Variants in KERA observed in about 807,000 individuals in gnomAD.
KERA encodes keratan sulfate proteoglycan keratocan.
In KERA, 25 loss-of-function variants were observed where a neutral mutation model predicts 26.4. The ratio of observed to expected loss-of-function variants is 0.95; its 90% CI spans 0.69 to 1.32. The LOEUF is 1.32. Among genes scored for constraint, KERA ranks in the 40% most tolerant of loss-of-function variants. KERA has a pLI of 0.00. For missense variants in KERA, 434 were observed against 408.9 expected (o/e 1.06, Z -0.53); for synonymous variants, 167 against 146.1 (o/e 1.14, Z -1.03).
intron 2 of KERA, among the ~76,000 whole-genome samples, 153 bp from the exon 3 acceptor site, chr12:91,051,671 T>C (rs558888721): frequency 6.6e-6 from 1 of 151,724 alleles, no homozygotes; most frequent in South Asian, 2.1e-4. Context: ...CAGTGAGAAA[T>C]TGTGCCTATC....
chr12:91,054,212 C>T (rs914327667), intron 2 of KERA, among the ~76,000 whole-genome samples: 2 of 151,380 alleles, frequency 1.3e-5, no homozygotes, highest in African/African-American at 4.8e-5. Context: ...TCTTAAATAA[C>T]TGAGCAGTTC....
chr12:91,054,895 A>G, intron 2 of KERA, among the ~76,000 whole-genome samples: 1 of 151,110 alleles, frequency 6.6e-6, no homozygotes, highest in East Asian at 1.9e-4. Flanking sequence ...GCCTTTACAC[A>G]CTTGTTTGAG....
Position 91,056,035 on chromosome 12 carries a change from T to A in KERA, c.247A>T (p.Ile83Leu), listed in dbSNP as rs1416905205. 1 of 1,609,482 alleles carries A rather than the reference T, an allele frequency of 6.2e-7. No homozygotes were observed. The highest frequency in any genetic ancestry group is 1.3e-5 in the African/African-American group (1 of 74,608). ...AATGGCTTTTCAGGAATGGTTTCTA[T>A]CAGGTTGTTTTGAAGATAAAGATAC... ...IWYLYLQNNL[I>L]ETIPEKPFEN... The change falls in exon 2 of 3, where the codon ATA (isoleucine) becomes TTA (leucine). Residue 83 changes from isoleucine to leucine, a missense_variant. Transcript: ENST00000266719.
intron 2 of KERA, among the ~76,000 whole-genome samples, chr12:91,053,168 C>A (rs1401902403): frequency 6.6e-6 from 1 of 151,276 alleles, no homozygotes; most frequent in East Asian, 1.9e-4. Flanking sequence ...AGTTTTGACA[C>A]AGTGTGATAT....
rs761766686 is a variant in KERA at position 91,055,488 on chromosome 12, A to G, written c.794T>C (p.Leu265Pro). 6.2e-7 allele frequency: 1 copy of G among 1,610,226 alleles called. No homozygotes were observed. ...PSRGFDVSSI[L>P]DLQLSHNQLT... ...TTGATTGTGCGACAGTTGAAGATCT[A>G]GAATTGATGATACATCAAATCCTCT... Residue 265 changes from leucine to proline, a missense_variant, in exon 2 of 3, where the codon CTA becomes CCA. Coordinates refer to ENST00000266719, the MANE Select transcript of KERA (RefSeq NM_007035.4).
In KERA at chr12:91,056,052, T is replaced by C. The variant is rs1307160243; in HGVS notation, c.230A>G (p.Tyr77Cys). The change falls in exon 2 of 3, where the codon TAT (tyrosine) becomes TGT (cysteine). Residue 77 changes from tyrosine (Y) to cysteine (C), a missense_variant. By Grantham distance (194) the Tyr-to-Cys change is radical. Transcript: ENST00000266719. ...GGTTTCTATCAGGTTGTTTTGAAGA[T>C]AAAGATACCAAATTCTTGAAGGAAT... ...PAIPSRIWYL[Y>C]LQNNLIETIP... The C allele has an allele frequency of 6.2e-7, 1 of 1,608,848 alleles. No homozygotes were observed. The highest frequency in any genetic ancestry group is 8.5e-7 in the Non-Finnish European group (1 of 1,177,664).
intron 2 of KERA, among the ~76,000 whole-genome samples, chr12:91,055,089 G>A (rs1156738004): frequency 2.0e-5 from 3 of 150,934 alleles, no homozygotes; most frequent in African/African-American, 7.3e-5. Flanking sequence ...TACCCAATGG[G>A]GCAGAAATAT....
intron 1 of KERA, 53 bp from the exon 2 acceptor site, chr12:91,056,342 T>G: frequency 1.4e-6 from 2 of 1,402,046 alleles, no homozygotes; most frequent in Non-Finnish European, 2.0e-6. Flanking sequence ...GACCTTTAGA[T>G]AATTTTATAC....
chr12:91,051,573 T>A, intron 2 of KERA, 55 bp from the exon 3 acceptor site: 1 of 1,340,078 alleles, frequency 7.5e-7, no homozygotes, highest in Non-Finnish European at 1.1e-6. Flanking sequence ...AAACTAACAG[T>A]GGGAAGACCA....
In KERA at chr12:91,055,883, T is replaced by C; in HGVS notation, c.399A>G (p.Leu133=). ...TTGGCAATGGAGAAGGTACCTCCTC[T>C]AGCTCATTATCTTCCAGAAATAAGA... The part of the protein sequence containing the change: ...LLFLFLEDNE[L]EEVPSPLPRS... The change falls in exon 2 of 3, where the codon CTA becomes CTG. Residue 133 remains leucine, a synonymous_variant. Transcript: ENST00000266719. 3 of 1,611,304 alleles carry C rather than the reference T, an allele frequency of 1.9e-6. No homozygotes were observed. Among genetic ancestry groups the C allele is most frequent in the Non-Finnish European group, 2.5e-6 (3 of 1,178,174 alleles).
chr12:91,054,557 T>C (rs1029589050), intron 2 of KERA, among the ~76,000 whole-genome samples: 1 of 151,096 alleles, frequency 6.6e-6, no homozygotes, highest in South Asian at 2.1e-4. Flanking sequence ...AGTTTGTCTC[T>C]AATGTGTCCA....
rs10859100 is a variant in KERA, at chr12:91,050,554, G to A, written c.*792C>T. On this transcript the variant is annotated 3_prime_UTR_variant, in exon 3 of 3. Coordinates refer to ENST00000266719, the MANE Select transcript of KERA (RefSeq NM_007035.4). ...TTCTTTGAAATATTCTGTTTTGTTA[G>A]AAAGCATTCAATATTTTTATTTAGA... 0.11 allele frequency: 16,762 copies of A among 151,720 alleles called. 1,903 individuals carry two copies. Among genetic ancestry groups the A allele is most frequent in the African/African-American group, 0.29 (11,932 of 41,334 alleles). 9.4% of individuals were successfully genotyped at this position (151,720 alleles called of 1,614,324 possible).
intron 2 of KERA, among the ~76,000 whole-genome samples, chr12:91,052,522 T>C (rs189676724): frequency 6.6e-6 from 1 of 151,620 alleles, no homozygotes; most frequent in African/African-American, 2.4e-5. Context: ...TTTGAATTTA[T>C]GCCATTTTGT....
At position 91,051,325 on chromosome 12, in the gene KERA, T is replaced by C. The variant is rs772159872; in HGVS notation, c.*21A>G. 18 of 1,602,072 alleles carry C rather than the reference T, an allele frequency of 1.1e-5. No individual in the cohort carries two copies. The highest frequency in any genetic ancestry group is 1.5e-5 in the Non-Finnish European group (17 of 1,170,148). ...TCAGAAACAGCTCATTAAACTAATT[T>C]TAGATTTGGTGAGAATGTGTTTAAA... On this transcript the variant is annotated 3_prime_UTR_variant, in exon 3 of 3. Coordinates refer to ENST00000266719, the MANE Select transcript of KERA (RefSeq NM_007035.4).
Position 91,055,674 on chromosome 12 carries a change from G to T in KERA, c.608C>A (p.Ala203Asp), listed in dbSNP as rs1387243299. ...TAATCTTGGAGGCATATTCCTCAGG[G>T]CATTCTTGGCCATGTTTAGCTGCAT... ...NLMQLNMAKN[A>D]LRNMPPRLPA... is the part of the protein sequence containing the mutation. Residue 203 changes from alanine (A) to aspartate (D), a missense_variant, in exon 2 of 3, where the codon GCC (alanine) becomes GAC (aspartate). By Grantham distance (126) the Ala-to-Asp change is moderately radical. Coordinates refer to ENST00000266719, the MANE Select transcript of KERA (RefSeq NM_007035.4). The T allele has an allele frequency of 1.9e-6, 3 of 1,611,242 alleles. No individual in the cohort carries two copies.
At chr12:91,052,829 C>A (rs2120955252) in intron 2 of KERA, among the ~76,000 whole-genome samples, 1 of 151,472 alleles carries the variant, frequency 6.6e-6, no homozygotes, top group East Asian at 2.0e-4. Flanking sequence ...GTGCAATCCC[C>A]TTATCCTCAT....
Position 91,051,236 on chromosome 12 carries a change from T to C in KERA, c.*110A>G. The C allele has an allele frequency of 1.1e-6, 1 of 881,298 alleles. No homozygotes were observed. Among genetic ancestry groups the C allele is most frequent in the South Asian group, 1.4e-5 (1 of 71,172 alleles). 54.6% of individuals were successfully genotyped at this position (881,298 alleles called of 1,614,324 possible). On this transcript the variant is annotated 3_prime_UTR_variant, in exon 3 of 3. Coordinates refer to ENST00000266719, the MANE Select transcript of KERA (RefSeq NM_007035.4). ...AAATACACTGCACAAATGAAAATGGTGGCCGAGAGCAATGGGGAATATGAC... is the reference window on the plus strand; with the variant it reads ...AAATACACTGCACAAATGAAAATGGCGGCCGAGAGCAATGGGGAATATGAC...
At position 91,055,588 on chromosome 12, in the gene KERA, A is replaced by C. The variant is rs1565745421; in HGVS notation, c.694T>G (p.Tyr232Asp). Residue 232 changes from tyrosine to aspartate, a missense_variant, in exon 2 of 3, where the codon TAT (tyrosine) becomes GAT (aspartate). Coordinates refer to ENST00000266719, the MANE Select transcript of KERA (RefSeq NM_007035.4). ...NNSIEGIPEN[Y>D]FNVIPKVAFL... ...GCCACTTTAGGAATCACATTAAAAT[A>C]ATTTTCTGGTATTCCTTCAATGGAA... The C allele has an allele frequency of 6.2e-7, 1 of 1,610,978 alleles. No individual in the cohort carries two copies. Among genetic ancestry groups the C allele is most frequent in the South Asian group, 1.1e-5 (1 of 91,012 alleles).
rs1312304497 is a variant in KERA, at chr12:91,055,706, C to G, written c.576G>C (p.Lys192Asn). 3 of 1,611,252 alleles carry G rather than the reference C, an allele frequency of 1.9e-6. No homozygotes were observed. Among genetic ancestry groups the G allele is most frequent in the African/African-American group, 1.3e-5 (1 of 74,636 alleles). ...TGGCCATGTTTAGCTGCATGAGATT[C>G]TTGAGTCCTTTAAAAGTGTCTCTTT... is the stretch of plus-strand genomic sequence containing the variant. ...AFQRDTFKGL[K>N]NLMQLNMAKN... Residue 192 changes from lysine (K) to asparagine (N), a missense_variant, in exon 2 of 3, where the codon AAG (lysine) becomes AAC (asparagine). Physicochemically the swap from Lys to Asn is moderately conservative, Grantham distance 94. Transcript: ENST00000266719.
Sources: allele counts gnomAD v4.1 joint callset (sites outside exome capture counted in the v4.1 genomes callset), GRCh38; gene constraint gnomAD v4.1.1; transcripts MANE v1.5; gene names NCBI Gene and HGNC (gene_info 2026-07-23, HGNC 2026-07-21).